Variants in ATP10A observed in about 807,000 individuals in gnomAD.
The protein encoded by ATP10A is phospholipid-transporting ATPase VA.
Under a neutral mutation model 147.8 loss-of-function variants are expected in ATP10A, and 111 were observed. The observed-to-expected ratio is 0.75, with a 90% CI of 0.64 to 0.88. ATP10A has a LOEUF of 0.88. ATP10A is among the 40% of genes least tolerant of loss of function. The pLI is 0.00. For synonymous variants in ATP10A, 875 were observed against 841.6 expected, an observed-to-expected ratio of 1.04 and a Z score of -0.69; for missense variants, 1,927 against 1,959.0, an observed-to-expected ratio of 0.98 and a Z score of 0.31.
At chr15:25,723,520 A>G (rs1390504348) in intron 6 of ATP10A, among the ~76,000 whole-genome samples, 1 of 152,042 alleles carries the variant, frequency 6.6e-6, no homozygotes, top group East Asian at 1.9e-4. Flanking sequence ...TTTTGGAGTA[A>G]TTTTAAGATT....
chr15:25,723,597 A>ATT (rs1324748285), intron 6 of ATP10A, among the ~76,000 whole-genome samples: 6 of 151,714 alleles, frequency 4.0e-5, no homozygotes, highest in Non-Finnish European at 2.9e-5. Context: ...AATAAAATCT[A>ATT]TTTTTTTTAA....
chr15:25,714,302 C>A, intron 9 of ATP10A, 61 bp from the exon 10 acceptor site: 1 of 1,516,164 alleles, frequency 6.6e-7, no homozygotes, highest in African/African-American at 1.4e-5. Flanking sequence ...GAGGCCCCAC[C>A]CTGGTTCCCA....
chr15:25,680,106 C>G lies in ATP10A; in HGVS notation c.3866+15G>C. Reference sequence around the variant, plus strand: ...CACTCGGGGCTCAGAGGCACTATCCCGCTCCGACACCCACCTGGGCAGCAG... The same window carrying G: ...CACTCGGGGCTCAGAGGCACTATCCGGCTCCGACACCCACCTGGGCAGCAG... On this transcript the variant is annotated intron_variant, in intron 20 of 20. Coordinates refer to ENST00000555815, the MANE Select transcript of ATP10A (RefSeq NM_024490.4). The G allele has an allele frequency of 6.2e-7, 1 of 1,611,964 alleles. No individual in the cohort carries two copies. The highest frequency in any genetic ancestry group is 8.5e-7 in the Non-Finnish European group (1 of 1,179,198).
chr15:25,789,591 T>TGTGTGTGTGTGTGTGTGTGA (rs1555470190), intron 1 of ATP10A, among the ~76,000 whole-genome samples: 34 of 151,370 alleles, frequency 2.2e-4, no homozygotes, highest in South Asian at 1.7e-3. Context: ...TGTGTGTGTG[T>TGTGTGTGTGTGTGTGTGTGA]GACAGAGACA....
chr15:25,714,626 G>A (rs1026191768), intron 9 of ATP10A, among the ~76,000 whole-genome samples: 8 of 152,122 alleles, frequency 5.3e-5, no homozygotes, highest in Admixed American at 4.6e-4. Flanking sequence ...AGGCCTGGAT[G>A]TATGCAGGGG....
At chr15:25,839,881 G>A (rs1234344476) in intron 1 of ATP10A, among the ~76,000 whole-genome samples, 2 of 152,112 alleles carry the variant, frequency 1.3e-5, no homozygotes, top group African/African-American at 2.4e-5. Context: ...TGGTACAGCC[G>A]ACAAAGCTTA....
At chr15:25,777,065 G>C (rs1418355410) in intron 2 of ATP10A, among the ~76,000 whole-genome samples, 1 of 151,272 alleles carries the variant, frequency 6.6e-6, no homozygotes, top group African/African-American at 2.4e-5. Flanking sequence ...TGGGGTGTGT[G>C]TGTGTGTGCA....
At chr15:25,850,897 T>A (rs1036933820) in intron 1 of ATP10A, among the ~76,000 whole-genome samples, 2 of 152,160 alleles carry the variant, frequency 1.3e-5, no homozygotes, top group Admixed American at 1.3e-4. Flanking sequence ...ACTCTACAAA[T>A]GACTCAGTTC....
At chr15:25,710,141 G>A (rs1901312277) in intron 10 of ATP10A, 1 of 152,158 alleles carries the variant, frequency 6.6e-6, no homozygotes, top group African/African-American at 2.4e-5. Flanking sequence ...TGCAATATTA[G>A]CCCCTTCTTT....
chr15:25,780,374 C>T (rs956194560), intron 2 of ATP10A, among the ~76,000 whole-genome samples: 4 of 152,266 alleles, frequency 2.6e-5, no homozygotes, highest in African/African-American at 9.6e-5. Context: ...TCTTCCTGAT[C>T]TCTGAGGGCT....
At chr15:25,815,598 G>A (rs374221749) in intron 1 of ATP10A, among the ~76,000 whole-genome samples, 1 of 9,802 alleles carries the variant, frequency 1.0e-4, no homozygotes, top group Non-Finnish European at 2.9e-4. Flanking sequence ...AGAAACTTAA[G>A]AGTTCACCTC....
At chr15:25,758,762 G>C (rs1047209435) in intron 2 of ATP10A, among the ~76,000 whole-genome samples, 3 of 115,426 alleles carry the variant, frequency 2.6e-5, no homozygotes, top group East Asian at 2.8e-4. Flanking sequence ...AACTCATTCC[G>C]ATCACCTGCT....
chr15:25,773,205 A>G (rs761743344), intron 2 of ATP10A, among the ~76,000 whole-genome samples: 15 of 152,156 alleles, frequency 9.9e-5, no homozygotes, highest in South Asian at 2.1e-4. Context: ...GCGAAACTCT[A>G]AGGAAGCCCT....
chr15:25,779,685 G>A (rs1274575741), intron 2 of ATP10A, among the ~76,000 whole-genome samples: 1 of 152,108 alleles, frequency 6.6e-6, no homozygotes, highest in Non-Finnish European at 1.5e-5. Context: ...GCTGTGCCTC[G>A]AGGGGCCCCT....
chr15:25,765,788 A>G (rs771886438), intron 2 of ATP10A, among the ~76,000 whole-genome samples: 3 of 151,744 alleles, frequency 2.0e-5, no homozygotes, highest in Non-Finnish European at 4.4e-5. Flanking sequence ...CTATAACTTC[A>G]CTCCTGGTGC....
At chr15:25,769,343 C>T (rs1490562493) in intron 2 of ATP10A, among the ~76,000 whole-genome samples, 1 of 151,330 alleles carries the variant, frequency 6.6e-6, no homozygotes, top group Non-Finnish European at 1.5e-5. Context: ...AAAAATTAGC[C>T]GGGGGTGGTG....
rs1170469979 is a variant in ATP10A at position 25,702,031 on chromosome 15, C to T, written c.2645G>A (p.Gly882Asp). The T allele has an allele frequency of 1.9e-6, 3 of 1,614,086 alleles. No individual in the cohort carries two copies. The highest frequency in any genetic ancestry group is 2.5e-6 in the Non-Finnish European group (3 of 1,180,026). The change falls in exon 13 of 21, where the codon GGC becomes GAC. Residue 882 changes from glycine to aspartate, a missense_variant. Transcript: ENST00000555815. The stretch of plus-strand genomic sequence containing the variant: ...ACCAGTGAGAACCCAAATCTGCAGG[C>T]CCGCTTGACGCAATTTAGAAATAGT... ...PETISKLRQAGLQIWVLTGDK... is the reference protein window; with the variant it reads ...PETISKLRQADLQIWVLTGDK...
chr15:25,716,656 C>T, intron 9 of ATP10A, 74 bp downstream of exon 9: 2 of 1,395,544 alleles, frequency 1.4e-6, no homozygotes, highest in East Asian at 2.5e-5. Flanking sequence ...GGGCGCCTGC[C>T]CTCAGGAGGA....
chr15:25,718,101 T>C (rs1483890238), intron 8 of ATP10A, 81 bp downstream of exon 8: 2 of 1,440,264 alleles, frequency 1.4e-6, no homozygotes, highest in African/African-American at 1.4e-5. Context: ...GGATTAAATA[T>C]AGACACCTTC....
Sources: gnomAD v4.1 joint callset for allele counts (sites outside exome capture counted in the v4.1 genomes callset) on GRCh38, gnomAD v4.1.1 for gene constraint, MANE v1.5 for transcripts, NCBI Gene and HGNC (gene_info 2026-07-23, HGNC 2026-07-21) for gene names.